ADAMTSL1: variants seen among roughly 807,000 people sequenced by gnomAD.
ADAMTSL1 encodes ADAMTS-like protein 1.
Under a neutral mutation model 201.8 loss-of-function variants are expected in ADAMTSL1, and 126 were observed. The ratio of observed to expected loss-of-function variants is 0.62; its 90% confidence interval spans 0.54 to 0.72. ADAMTSL1 has a LOEUF of 0.72. Among genes scored for constraint, ADAMTSL1 ranks in the 30% least tolerant of loss-of-function variants. The pLI, the probability that ADAMTSL1 is intolerant of heterozygous loss-of-function variation, is 0.00. For synonymous variants in ADAMTSL1, 1,121 were observed against 903.4 expected, an observed-to-expected ratio of 1.24 and a Z score of -4.32; for missense variants, 2,679 against 2,277.8, an observed-to-expected ratio of 1.18 and a Z score of -3.59.
intron 3 of ADAMTSL1, among the ~76,000 whole-genome samples, chr9:18,538,285 A>G (rs74450717): frequency 4.1e-4 from 63 of 152,256 alleles, no homozygotes; most frequent in African/African-American, 1.5e-3. Flanking sequence ...TCAATTTGAC[A>G]TGATTCACTC....
rs79354951 is a variant in ADAMTSL1 at position 18,379,753 on chromosome 9, A to T, written c.208-125076A>T. ...TGATGACTATGAGATGAAAGAAAAA[A>T]CATAAACTATGTCATAGAACAAAAA... On this transcript the variant is annotated intron_variant, in intron 2 of 29. Transcript: ENST00000680146. Among the ~76,000 whole-genome samples, 481 of 152,344 alleles carry T rather than the reference A, an allele frequency of 3.2e-3. 1 individual carries two copies. Among genetic ancestry groups the T allele is most frequent in the Middle Eastern group, 0.014 (4 of 294 alleles).
intron 3 of ADAMTSL1, among the ~76,000 whole-genome samples, chr9:18,544,350 ACAATTTCACTCTTGTT>A (rs1426066712): frequency 6.6e-6 from 1 of 152,214 alleles, no homozygotes; most frequent in Non-Finnish European, 1.5e-5. Context: ...TTGGCTAAGG[ACAATTTCACTCTTGTT>A]CATAACTCAA....
At position 17,981,028 on chromosome 9, in the gene ADAMTSL1, G is replaced by A. The variant is rs1157596235; in HGVS notation, c.87+74106G>A. Among the ~76,000 whole-genome samples, 3 of 152,220 alleles carry A rather than the reference G, an allele frequency of 2.0e-5. No individual in the cohort carries two copies. In the East Asian group the frequency reaches 5.8e-4, roughly 30 times the overall value. On this transcript the variant is annotated intron_variant, in intron 1 of 29. Coordinates refer to the ADAMTSL1 transcript ENST00000680146. ...GAACTCACTCATTGCCACGAGGATG[G>A]GACCAAGCCATTCACGAGGGATTCA...
chr9:18,391,491 G>C (rs577849147), intron 2 of ADAMTSL1, among the ~76,000 whole-genome samples: 1 of 152,154 alleles, frequency 6.6e-6, no homozygotes, highest in East Asian at 1.9e-4. Context: ...TGTCACCCAG[G>C]CTGGAGAGCA....
intron 1 of ADAMTSL1, among the ~76,000 whole-genome samples, chr9:18,032,264 C>G (rs1248854239): frequency 6.6e-6 from 1 of 152,192 alleles, no homozygotes; most frequent in African/African-American, 2.4e-5. Context: ...GTGGTGGCTC[C>G]TCCTCTGCCC....
At chr9:18,146,147 G>T (rs1564025588) in intron 1 of ADAMTSL1, among the ~76,000 whole-genome samples, 1 of 152,050 alleles carries the variant, frequency 6.6e-6, no homozygotes, top group Non-Finnish European at 1.5e-5. Flanking sequence ...AAATACACCA[G>T]GTTTGAAAGA....
intron 13 of ADAMTSL1, among the ~76,000 whole-genome samples, chr9:18,693,419 G>C (rs959257783): frequency 1.3e-5 from 2 of 152,176 alleles, no homozygotes; most frequent in African/African-American, 2.4e-5. Context: ...GCCCACTGTG[G>C]CTGCTCAGTT....
intron 4 of ADAMTSL1, among the ~76,000 whole-genome samples, chr9:18,580,438 A>C (rs989814592): frequency 2.0e-5 from 3 of 152,226 alleles, no homozygotes; most frequent in African/African-American, 7.2e-5. Context: ...GTCAGAAATA[A>C]GGCGTTGGAC....
intron 26 of ADAMTSL1, among the ~76,000 whole-genome samples, chr9:18,898,020 A>G (rs1829760362): frequency 9.3e-6 from 1 of 107,652 alleles, no homozygotes; most frequent in South Asian, 2.9e-4. Flanking sequence ...TACTAAAAAT[A>G]TCAAAAAAAA....
At chr9:18,069,842 A>G (rs2131729164) in intron 1 of ADAMTSL1, among the ~76,000 whole-genome samples, 1 of 152,352 alleles carries the variant, frequency 6.6e-6, no homozygotes, top group Non-Finnish European at 1.5e-5. Flanking sequence ...GGTGCAGAGA[A>G]AAGAATCAAT....
chr9:17,997,888 C>T (rs1819448235), intron 1 of ADAMTSL1, among the ~76,000 whole-genome samples: 1 of 152,030 alleles, frequency 6.6e-6, no homozygotes, highest in Non-Finnish European at 1.5e-5. Context: ...CTAGCAGCTG[C>T]ATTCACTTAC....
intron 2 of ADAMTSL1, among the ~76,000 whole-genome samples, chr9:18,190,350 A>G (rs1042610037): frequency 6.6e-6 from 1 of 152,196 alleles, no homozygotes; most frequent in African/African-American, 2.4e-5. Context: ...TTTAAATGGA[A>G]AATCCATCTA....
chr9:18,351,098 T>A (rs889690715), intron 2 of ADAMTSL1, among the ~76,000 whole-genome samples: 3 of 152,114 alleles, frequency 2.0e-5, no homozygotes, highest in African/African-American at 7.2e-5. Context: ...TAAATAATAA[T>A]CTGCCTGCCT....
At chr9:18,895,673 T>C (rs1829585034) in intron 26 of ADAMTSL1, among the ~76,000 whole-genome samples, 1 of 149,918 alleles carries the variant, frequency 6.7e-6, no homozygotes, top group Non-Finnish European at 1.5e-5. Flanking sequence ...AAAAGAAAGA[T>C]CTGAGAAGAC....
At chr9:18,291,843 A>G (rs1231842507) in intron 2 of ADAMTSL1, among the ~76,000 whole-genome samples, 1 of 151,854 alleles carries the variant, frequency 6.6e-6, no homozygotes, top group Non-Finnish European at 1.5e-5. Flanking sequence ...ATACCTCTAG[A>G]CACTAAGAAT....
intron 2 of ADAMTSL1, among the ~76,000 whole-genome samples, chr9:18,270,062 C>T (rs1250553700): frequency 6.6e-6 from 1 of 152,034 alleles, no homozygotes; most frequent in Non-Finnish European, 1.5e-5. Context: ...GCTGCTATAA[C>T]AAAATACCAT....
chr9:18,194,451 G>A (rs1033284972), intron 2 of ADAMTSL1, among the ~76,000 whole-genome samples: 2 of 151,992 alleles, frequency 1.3e-5, no homozygotes, highest in African/African-American at 4.8e-5. Context: ...TGTATCTCAT[G>A]GTCCCCTGCG....
intron 2 of ADAMTSL1, among the ~76,000 whole-genome samples, chr9:18,257,823 G>C (rs1486120069): frequency 6.6e-6 from 1 of 152,206 alleles, no homozygotes; most frequent in Non-Finnish European, 1.5e-5. Context: ...AAATGATTCT[G>C]ATAGAGTTAT....
At chr9:18,733,528 G>A (rs952311600) in intron 15 of ADAMTSL1, among the ~76,000 whole-genome samples, 5 of 152,134 alleles carry the variant, frequency 3.3e-5, no homozygotes, top group African/African-American at 1.2e-4. Context: ...GAGGTGCTTT[G>A]CTTATAGATC....
Sources: gnomAD v4.1 joint callset for allele counts (sites outside exome capture counted in the v4.1 genomes callset) on GRCh38, gnomAD v4.1.1 for gene constraint, MANE v1.5 for transcripts, NCBI Gene and HGNC (gene_info 2026-07-23, HGNC 2026-07-21) for gene names.